The following NXPH2 variants were observed in gnomAD, a reference collection of about 807,000 sequenced individuals.
NXPH2 encodes the protein neurexophilin-2.
NXPH2 carries 5 observed loss-of-function variants against 19.8 expected under a neutral mutation model. The ratio of observed to expected loss-of-function variants is 0.25; its 90% CI spans 0.13 to 0.53. The LOEUF is 0.53. NXPH2 is among the 20% of genes least tolerant of loss of function. The pLI, the probability that NXPH2 is intolerant of heterozygous loss-of-function variation, is 0.96. For synonymous variants in NXPH2, 154 were observed against 127.4 expected, an observed-to-expected ratio of 1.21 and a Z score of -1.41; for missense variants, 289 against 322.8, an observed-to-expected ratio of 0.90 and a Z score of 0.80.
intron 1 of NXPH2, among the ~76,000 whole-genome samples, chr2:138,714,246 A>G (rs1681155900): frequency 6.6e-6 from 1 of 152,208 alleles, no homozygotes; most frequent in African/African-American, 2.4e-5. Context: ...AAGAGCAAAT[A>G]AAATCTCAGC....
intron 1 of NXPH2, among the ~76,000 whole-genome samples, chr2:138,713,433 T>C (rs755478679): frequency 6.6e-6 from 1 of 152,222 alleles, no homozygotes; most frequent in Non-Finnish European, 1.5e-5. Flanking sequence ...TGTACTTCAC[T>C]CAGAGCTTTG....
chr2:138,730,838 T>C (rs983860183), intron 1 of NXPH2, among the ~76,000 whole-genome samples: 2 of 152,200 alleles, frequency 1.3e-5, no homozygotes, highest in Admixed American at 6.5e-5. Context: ...GCATAACAAA[T>C]TGGTTGCTGT....
At chr2:138,765,637 G>C (rs1402122393) in intron 1 of NXPH2, among the ~76,000 whole-genome samples, 1 of 152,064 alleles carries the variant, frequency 6.6e-6, no homozygotes, top group Non-Finnish European at 1.5e-5. Flanking sequence ...CAATAAAAAG[G>C]GAATGCAACC....
At position 138,719,673 on chromosome 2, in the gene NXPH2, G is replaced by A. The variant is rs183501589; in HGVS notation, c.52-48008C>T. 9.9e-5 allele frequency among the ~76,000 whole-genome samples: 15 copies of A among 152,284 alleles called. 1 individual carries two copies. The South Asian group carries it at 1.5e-3, about 15-fold the overall frequency. On this transcript the variant is annotated intron_variant, in intron 1 of 1. Transcript: ENST00000272641. ...GCTTGAGCCCAGGAGTTCGAGACTAGTCTGGAGACTGGGTAACATGGCAAG... is the reference window on the plus strand; with the variant it reads ...GCTTGAGCCCAGGAGTTCGAGACTAATCTGGAGACTGGGTAACATGGCAAG...
Position 138,750,314 on chromosome 2 carries a change from A to G in NXPH2, c.51+29877T>C, listed in dbSNP as rs114030076. ...CTCTCATGAAGTAAATAGAGTAAGT[A>G]ACCTGGAATATATGCAAATAATTTC... On this transcript the variant is annotated intron_variant, in intron 1 of 1. Coordinates refer to ENST00000272641, the MANE Select transcript of NXPH2 (RefSeq NM_007226.3). Among the ~76,000 whole-genome samples, 1,098 of 152,316 alleles carry G rather than the reference A, an allele frequency of 7.2e-3. 14 individuals are homozygous for G. Among genetic ancestry groups the G allele is most frequent in the African/African-American group, 0.025 (1,046 of 41,568 alleles).
intron 1 of NXPH2, among the ~76,000 whole-genome samples, chr2:138,746,225 C>CT (rs1400234671): frequency 6.6e-6 from 1 of 152,218 alleles, no homozygotes; most frequent in Admixed American, 6.5e-5. Flanking sequence ...CCCTGGGTAC[C>CT]TATGGAGACT....
At chr2:138,731,805 G>A (rs750063993) in intron 1 of NXPH2, among the ~76,000 whole-genome samples, 7 of 151,926 alleles carry the variant, frequency 4.6e-5, no homozygotes, top group African/African-American at 9.7e-5. Flanking sequence ...ACAGTAGAAC[G>A]GCCCTAATCA....
At position 138,701,194 on chromosome 2, in the gene NXPH2, G is replaced by T. The variant is rs72988908; in HGVS notation, c.52-29529C>A. On this transcript the variant is annotated intron_variant, in intron 1 of 1. Transcript: ENST00000272641. ...GTTTGCAATCTGCTGGCCCAAGTGG[G>T]TGAGAAGTGGGGTGGGGTGGGTTAT... 3.5e-3 allele frequency among the ~76,000 whole-genome samples: 537 copies of T among 152,228 alleles called. 3 individuals are homozygous for T. The highest frequency in any genetic ancestry group is 8.8e-3 in the African/African-American group (365 of 41,544).
chr2:138,773,815 A>T (rs1682216325), intron 1 of NXPH2, among the ~76,000 whole-genome samples: 1 of 152,210 alleles, frequency 6.6e-6, no homozygotes, highest in Non-Finnish European at 1.5e-5. Context: ...AATATCTCAA[A>T]GTCAAGTTTC....
chr2:138,726,294 C>T (rs147688663), intron 1 of NXPH2, among the ~76,000 whole-genome samples: 136 of 152,298 alleles, frequency 8.9e-4, no homozygotes, highest in African/African-American at 3.2e-3. Context: ...ATCTGCCCGC[C>T]TCAGCCTCCC....
intron 1 of NXPH2, among the ~76,000 whole-genome samples, chr2:138,730,121 C>A (rs1681424720): frequency 6.6e-6 from 1 of 152,154 alleles, no homozygotes; most frequent in African/African-American, 2.4e-5. Flanking sequence ...CTTACAAGAA[C>A]ACTAGTCATA....
At chr2:138,737,589 C>T (rs1681571075) in intron 1 of NXPH2, among the ~76,000 whole-genome samples, 1 of 152,154 alleles carries the variant, frequency 6.6e-6, no homozygotes, top group African/African-American at 2.4e-5. Flanking sequence ...GTCTCCAGTA[C>T]CCACACATTT....
At chr2:138,679,561 C>A (rs56771465) in intron 1 of NXPH2, among the ~76,000 whole-genome samples, 42,992 of 151,912 alleles carry the variant, frequency 0.28, 6,707 homozygotes, top group Non-Finnish European at 0.36. Flanking sequence ...CCACCACGCC[C>A]GGCTAATTTT....
intron 1 of NXPH2, among the ~76,000 whole-genome samples, chr2:138,733,712 G>A (rs889880024): frequency 6.6e-6 from 1 of 152,104 alleles, no homozygotes; most frequent in Non-Finnish European, 1.5e-5. Flanking sequence ...CAGACTATAG[G>A]TGACTATCAA....
intron 1 of NXPH2, among the ~76,000 whole-genome samples, chr2:138,741,782 A>G (rs1681647032): frequency 6.6e-6 from 1 of 152,124 alleles, no homozygotes. Flanking sequence ...TATTACCTAC[A>G]TTTGCTTCTA....
rs1039320602 is a variant in NXPH2, at chr2:138,670,516, C to T, written c.*406G>A. Among the ~76,000 whole-genome samples the T allele has an allele frequency of 2.6e-5, 4 of 152,146 alleles. No individual in the cohort carries two copies. The highest frequency in any genetic ancestry group is 2.0e-4 in the Admixed American group (3 of 15,286). On this transcript the variant is annotated 3_prime_UTR_variant, in exon 2 of 2. Transcript: ENST00000272641. Reference sequence around the variant, plus strand: ...TATCAAATACAATCTTTTCCTTTACCGCATCTGCTGTTTCTGCGGTAACCT... The same window carrying T: ...TATCAAATACAATCTTTTCCTTTACTGCATCTGCTGTTTCTGCGGTAACCT...
intron 1 of NXPH2, among the ~76,000 whole-genome samples, chr2:138,766,603 C>T (rs1682097020): frequency 6.6e-6 from 1 of 152,134 alleles, no homozygotes; most frequent in South Asian, 2.1e-4. Flanking sequence ...CAGCATGATC[C>T]AGCAGATGGC....
At chr2:138,706,477 A>G (rs571210116) in intron 1 of NXPH2, among the ~76,000 whole-genome samples, 3 of 152,296 alleles carry the variant, frequency 2.0e-5, no homozygotes, top group African/African-American at 7.2e-5. Context: ...GGATCTATCC[A>G]ATTATTTTGA....
At chr2:138,731,702 T>C (rs1681455144) in intron 1 of NXPH2, among the ~76,000 whole-genome samples, 1 of 151,998 alleles carries the variant, frequency 6.6e-6, no homozygotes, top group African/African-American at 2.4e-5. Flanking sequence ...CAGACAGGAC[T>C]GGAGGGTCCA....
Sources: gnomAD v4.1 joint callset for allele counts (sites outside exome capture counted in the v4.1 genomes callset) on GRCh38, gnomAD v4.1.1 for gene constraint, MANE v1.5 for transcripts, NCBI Gene and HGNC (gene_info 2026-07-23, HGNC 2026-07-21) for gene names.